TLN2: variants seen among roughly 807,000 people sequenced by gnomAD.
The protein encoded by TLN2 is talin-2.
TLN2 carries 118 observed loss-of-function variants against 294.7 expected under a neutral mutation model. The observed-to-expected ratio is 0.40, with a 90% CI of 0.34 to 0.47. The LOEUF (loss-of-function observed/expected upper bound fraction) is 0.47. Ranked by LOEUF, TLN2 falls within the 20% of genes least tolerant of loss-of-function variation. The probability of loss-of-function intolerance (pLI) is 0.84; values close to 1 mark genes in which losing one functional copy is unlikely to be tolerated. For missense variants in TLN2, 3,083 were observed against 3,282.2 expected (o/e 0.94, Z 1.48); for synonymous variants, 1,431 against 1,304.5 (o/e 1.10, Z -2.09).
At chr15:62,714,317 C>T (rs1469862366) in intron 22 of TLN2, among the ~76,000 whole-genome samples, 5 of 151,236 alleles carry the variant, frequency 3.3e-5, no homozygotes, top group South Asian at 2.1e-4. Context: ...ATTCTCCTGC[C>T]TCAGCCTCCT....
chr15:62,750,464 C>T lies in TLN2; in HGVS notation c.4182C>T (p.Cys1394=), dbSNP rs1173231091. ...EPVSDLSYFD[C]IESVMENSKV... is the part of the protein sequence containing the mutation. The stretch of plus-strand genomic sequence containing the variant: ...TTAGTGACCTCTCTTACTTTGACTG[C>T]ATTGAGAGTGTGATGGAAAACTCCA... Residue 1394 remains cysteine (C), a synonymous_variant, in exon 34 of 59, where the codon TGC becomes TGT. Coordinates refer to ENST00000636159, the MANE Select transcript of TLN2 (RefSeq NM_015059.3). The T allele has an allele frequency of 1.1e-5, 17 of 1,614,062 alleles. No homozygotes were observed. Among genetic ancestry groups the T allele is most frequent in the Non-Finnish European group, 1.4e-5 (17 of 1,180,008 alleles).
chr15:62,649,494 C>G (rs2052337080), intron 4 of TLN2, among the ~76,000 whole-genome samples: 1 of 152,096 alleles, frequency 6.6e-6, no homozygotes, highest in Non-Finnish European at 1.5e-5. Flanking sequence ...CTTCCTATGT[C>G]AGATTAAGGG....
chr15:62,582,597 G>A (rs1260156670), intron 1 of TLN2, among the ~76,000 whole-genome samples: 1 of 152,172 alleles, frequency 6.6e-6, no homozygotes, highest in Non-Finnish European at 1.5e-5. Flanking sequence ...ACATGTAAGA[G>A]TGGGCATCAA....
At position 62,557,729 on chromosome 15, in the gene TLN2, C is replaced by T. The variant is rs551254847; in HGVS notation, c.-237-31958C>T. Among the ~76,000 whole-genome samples the T allele has an allele frequency of 3.3e-5, 5 of 152,214 alleles. No individual in the cohort carries two copies. In the South Asian group the frequency reaches 8.3e-4, roughly 25 times the overall value. On this transcript the variant is annotated intron_variant, in intron 1 of 58. Coordinates refer to ENST00000636159, the MANE Select transcript of TLN2 (RefSeq NM_015059.3). ...GCTAATTTTTTATTTTTAGTAGAGA[C>T]GGGGTTTCACTATGTTGGCCAGGCT... is the stretch of plus-strand genomic sequence containing the variant.
chr15:62,492,498 G>C (rs2038793301), intron 1 of TLN2, among the ~76,000 whole-genome samples: 1 of 149,450 alleles, frequency 6.7e-6, no homozygotes, highest in African/African-American at 2.5e-5. Flanking sequence ...AGAAGTTGCA[G>C]TGAGCCGAGA....
chr15:62,649,496 G>A (rs1270555125), intron 4 of TLN2, among the ~76,000 whole-genome samples: 1 of 152,120 alleles, frequency 6.6e-6, no homozygotes, highest in East Asian at 1.9e-4. Context: ...TCCTATGTCA[G>A]ATTAAGGGGT....
intron 52 of TLN2, among the ~76,000 whole-genome samples, chr15:62,813,817 CT>C (rs56933837): frequency 0.21 from 30,861 of 143,878 alleles, 3,793 homozygotes; most frequent in African/African-American, 0.36. Context: ...TGCATATGGG[CT>C]TTTTTTTTTT....
intron 2 of TLN2, among the ~76,000 whole-genome samples, chr15:62,604,363 C>A (rs2047239118): frequency 1.3e-5 from 2 of 151,628 alleles, no homozygotes; most frequent in South Asian, 4.2e-4. Context: ...AAAACAAAAA[C>A]AAACAAAAAA....
At chr15:62,418,003 T>C (rs574375361) in intron 1 of TLN2, among the ~76,000 whole-genome samples, 21 of 152,300 alleles carry the variant, frequency 1.4e-4, no homozygotes, top group African/African-American at 4.1e-4. Context: ...ATGTTGCTTT[T>C]CCCCCGCTTA....
chr15:62,714,839 A>AT (rs973603973), intron 22 of TLN2, among the ~76,000 whole-genome samples: 9 of 151,586 alleles, frequency 5.9e-5, no homozygotes. Context: ...CATATTCATC[A>AT]TAAAAAAAGA....
intron 1 of TLN2, among the ~76,000 whole-genome samples, chr15:62,489,138 G>C (rs2038570960): frequency 1.3e-5 from 2 of 152,148 alleles, no homozygotes; most frequent in Admixed American, 1.3e-4. Context: ...TCCAGCCTGG[G>C]TGACAGAGCA....
chr15:62,406,165 A>G (rs1422428046), intron 1 of TLN2, among the ~76,000 whole-genome samples: 1 of 152,264 alleles, frequency 6.6e-6, no homozygotes. Context: ...GGCTGGGATC[A>G]TAGAAATTTA....
At chr15:62,718,440 C>T (rs1485866708) in intron 24 of TLN2, among the ~76,000 whole-genome samples, 3 of 152,188 alleles carry the variant, frequency 2.0e-5, no homozygotes, top group African/African-American at 7.2e-5. Context: ...AACTGCAACC[C>T]TCTCTGCTTC....
chr15:62,487,030 G>T (rs1478217615), intron 1 of TLN2, among the ~76,000 whole-genome samples: 1 of 152,142 alleles, frequency 6.6e-6, no homozygotes, highest in Non-Finnish European at 1.5e-5. Context: ...TTCACAGTGG[G>T]TTCCCTTTGA....
At chr15:62,746,177 C>T (rs2061598335) in intron 32 of TLN2, among the ~76,000 whole-genome samples, 2 of 152,078 alleles carry the variant, frequency 1.3e-5, no homozygotes, top group Non-Finnish European at 2.9e-5. Flanking sequence ...CACAGATAAA[C>T]AGGAAACACA....
chr15:62,717,828 T>A (rs1025718747), intron 24 of TLN2, 139 bp downstream of exon 24: 1 of 557,200 alleles, frequency 1.8e-6, no homozygotes, highest in African/African-American at 1.9e-5. Context: ...ATGTTCCAGG[T>A]GTCTACACGT....
At chr15:62,569,746 A>G (rs1029180669) in intron 1 of TLN2, among the ~76,000 whole-genome samples, 7 of 152,266 alleles carry the variant, frequency 4.6e-5, no homozygotes, top group African/African-American at 1.7e-4. Flanking sequence ...GTGATCGTGT[A>G]GGATAGGCAC....
At chr15:62,575,843 T>G (rs747775779) in intron 1 of TLN2, among the ~76,000 whole-genome samples, 1 of 152,232 alleles carries the variant, frequency 6.6e-6, no homozygotes, top group Non-Finnish European at 1.5e-5. Flanking sequence ...TCCAGGTGTA[T>G]GGAAAATGCC....
intron 1 of TLN2, among the ~76,000 whole-genome samples, chr15:62,484,861 T>C (rs1211403974): frequency 6.6e-6 from 1 of 152,200 alleles, no homozygotes; most frequent in African/African-American, 2.4e-5. Flanking sequence ...CTTTAGTTTT[T>C]CATTGCTGCT....
Sources: allele counts gnomAD v4.1 joint callset (sites outside exome capture counted in the v4.1 genomes callset), GRCh38; gene constraint gnomAD v4.1.1; transcripts MANE v1.5; gene names NCBI Gene and HGNC (gene_info 2026-07-23, HGNC 2026-07-21).